Variants in SGCD observed in about 807,000 individuals in gnomAD.
SGCD encodes the protein delta-sarcoglycan.
In SGCD, 18 loss-of-function variants were observed where a neutral mutation model predicts 36.6. The observed-to-expected ratio is 0.49, with a 90% CI of 0.34 to 0.73. The LOEUF is 0.73. Among genes scored for constraint, SGCD ranks in the 30% least tolerant of loss-of-function variants. The pLI is 0.01. For synonymous variants in SGCD, 133 were observed against 130.6 expected, an observed-to-expected ratio of 1.02 and a Z score of -0.12; for missense variants, 387 against 346.7, an observed-to-expected ratio of 1.12 and a Z score of -0.92.
the SGCD span, among the ~76,000 whole-genome samples, chr5:155,865,195 C>A: frequency 1.8e-4 from 28 of 151,728 alleles, no homozygotes; most frequent in African/African-American, 6.5e-4. Flanking sequence ...TTTAAAATAA[C>A]AATAATTAAC....
At chr5:156,594,163 T>C (rs1760832648) in intron 5 of SGCD, among the ~76,000 whole-genome samples, 1 of 152,164 alleles carries the variant, frequency 6.6e-6, no homozygotes, top group Admixed American at 6.6e-5. Context: ...TTTTCCATGG[T>C]ACCTAAATCT....
At chr5:155,808,776 G>C in the SGCD span, among the ~76,000 whole-genome samples, 1 of 152,142 alleles carries the variant, frequency 6.6e-6, no homozygotes, top group East Asian at 1.9e-4. Context: ...GATGATGATA[G>C]AAAAATTTAT....
chr5:156,614,705 C>G (rs1435334865), intron 6 of SGCD, among the ~76,000 whole-genome samples: 1 of 152,130 alleles, frequency 6.6e-6, no homozygotes, highest in African/African-American at 2.4e-5. Context: ...TCAGATGACC[C>G]CTAAATCTGT....
chr5:156,595,063 T>A lies in SGCD; in HGVS notation c.502+12T>A. 6.2e-7 allele frequency: 1 copy of A among 1,605,560 alleles called. No homozygotes were observed. Among genetic ancestry groups the A allele is most frequent in the Non-Finnish European group, 8.5e-7 (1 of 1,175,574 alleles). On this transcript the variant is annotated intron_variant, in intron 6 of 8. Coordinates refer to ENST00000337851, the MANE Select transcript of SGCD (RefSeq NM_000337.6). ...ATTACGAGTTTTAGGTAAGGAAACTTGAATCATTTAACTTGTTTGATGCTA... is the reference window on the plus strand; with the variant it reads ...ATTACGAGTTTTAGGTAAGGAAACTAGAATCATTTAACTTGTTTGATGCTA...
At chr5:156,128,282 T>C (rs1336382854) in intron 3 of SGCD, among the ~76,000 whole-genome samples, 2 of 152,204 alleles carry the variant, frequency 1.3e-5, no homozygotes, top group African/African-American at 2.4e-5. Context: ...CATACATTAC[T>C]GGTAGAATTG....
At chr5:155,804,427 A>G in the SGCD span, among the ~76,000 whole-genome samples, 28 of 152,174 alleles carry the variant, frequency 1.8e-4, no homozygotes, top group African/African-American at 6.8e-4. Flanking sequence ...AGACTTCCCT[A>G]TTCCAGTTTT....
chr5:156,159,113 A>G (rs1431592617), intron 3 of SGCD, among the ~76,000 whole-genome samples: 1 of 151,620 alleles, frequency 6.6e-6, no homozygotes, highest in Non-Finnish European at 1.5e-5. Flanking sequence ...CATTTCCACC[A>G]TTATAGGAAT....
At chr5:156,237,246 A>G (rs1393025257) in intron 3 of SGCD, among the ~76,000 whole-genome samples, 5 of 152,236 alleles carry the variant, frequency 3.3e-5, no homozygotes, top group Admixed American at 2.0e-4. Context: ...AAAGTCAACC[A>G]AAATCATAGG....
chr5:155,773,606 G>A, the SGCD span, among the ~76,000 whole-genome samples: 1 of 152,152 alleles, frequency 6.6e-6, no homozygotes, highest in Non-Finnish European at 1.5e-5. Context: ...AGGTATTTGG[G>A]AAGACGGATA....
intron 7 of SGCD, among the ~76,000 whole-genome samples, chr5:156,722,807 C>G (rs958563904): frequency 6.6e-6 from 1 of 152,180 alleles, no homozygotes; most frequent in African/African-American, 2.4e-5. Flanking sequence ...TGAAATCTCT[C>G]CCTTCTACTT....
chr5:155,889,306 A>T (rs1756073216), intron 1 of SGCD, among the ~76,000 whole-genome samples: 1 of 152,180 alleles, frequency 6.6e-6, no homozygotes, highest in Non-Finnish European at 1.5e-5. Flanking sequence ...TCTCATTTAT[A>T]ATCTTTGTAG....
intron 7 of SGCD, among the ~76,000 whole-genome samples, chr5:156,667,175 C>T (rs751561243): frequency 3.3e-5 from 5 of 152,116 alleles, no homozygotes; most frequent in African/African-American, 1.2e-4. Context: ...ATTCAAAACA[C>T]TTCTGGTCCC....
intron 3 of SGCD, among the ~76,000 whole-genome samples, chr5:156,193,248 T>G (rs552842946): frequency 1.3e-5 from 2 of 152,140 alleles, no homozygotes; most frequent in Non-Finnish European, 2.9e-5. Flanking sequence ...CTCAAGTCAC[T>G]GTTGTTCCGA....
At chr5:155,781,717 C>G in the SGCD span, among the ~76,000 whole-genome samples, 8 of 152,050 alleles carry the variant, frequency 5.3e-5, no homozygotes, top group Non-Finnish European at 1.0e-4. Context: ...GTGATCAGCC[C>G]ACCTCGGCCT....
chr5:156,372,299 C>T (rs1261590861), intron 3 of SGCD, among the ~76,000 whole-genome samples: 2 of 152,130 alleles, frequency 1.3e-5, no homozygotes, highest in Non-Finnish European at 2.9e-5. Flanking sequence ...ATGTGTTAAT[C>T]CATTATTTGA....
chr5:155,767,899 G>T, the SGCD span, among the ~76,000 whole-genome samples: 1 of 152,254 alleles, frequency 6.6e-6, no homozygotes, highest in Admixed American at 6.5e-5. Flanking sequence ...TTATTTGACA[G>T]ATTTTTACTT....
chr5:156,758,419 C>T (rs1156388189), intron 8 of SGCD, among the ~76,000 whole-genome samples: 2 of 151,316 alleles, frequency 1.3e-5, no homozygotes, highest in African/African-American at 4.9e-5. Flanking sequence ...AATGCTATTC[C>T]ACCTGACTAT....
chr5:156,472,938 A>G (rs1253633487), intron 3 of SGCD, among the ~76,000 whole-genome samples: 2 of 152,210 alleles, frequency 1.3e-5, no homozygotes, highest in Non-Finnish European at 2.9e-5. Flanking sequence ...TGGTGGTTTC[A>G]TGAGTGTGTA....
the SGCD span, among the ~76,000 whole-genome samples, chr5:155,815,571 C>A: frequency 6.6e-6 from 1 of 152,142 alleles, no homozygotes; most frequent in African/African-American, 2.4e-5. Flanking sequence ...CGTGGTTCCA[C>A]AGGCTGTACA....
Sources: gnomAD v4.1 joint callset for allele counts (sites outside exome capture counted in the v4.1 genomes callset) on GRCh38, gnomAD v4.1.1 for gene constraint, MANE v1.5 for transcripts, NCBI Gene and HGNC (gene_info 2026-07-23, HGNC 2026-07-21) for gene names.